The following TTC13 variants were observed in gnomAD, a reference collection of about 807,000 sequenced individuals.
The protein encoded by TTC13 is tetratricopeptide repeat domain 13.
TTC13 carries 62 observed loss-of-function variants against 120.0 expected under a neutral mutation model. The ratio of observed to expected loss-of-function variants is 0.52; its 90% confidence interval spans 0.42 to 0.64. The LOEUF (loss-of-function observed/expected upper bound fraction) is 0.64. Ranked by LOEUF, TTC13 falls within the 30% of genes least tolerant of loss-of-function variation. TTC13 has a pLI of 0.00. For missense variants in TTC13, 824 were observed against 1,050.2 expected (o/e 0.78, Z 2.98); for synonymous variants, 384 against 393.5 (o/e 0.98, Z 0.28).
At chr1:230,925,248 G>T (rs1672954695) in intron 13 of TTC13, among the ~76,000 whole-genome samples, 1 of 152,150 alleles carries the variant, frequency 6.6e-6, no homozygotes, top group South Asian at 2.1e-4. Context: ...CTATAGTAAG[G>T]AAATAGCTCC....
At chr1:230,977,478 C>T (rs1268146476) in intron 1 of TTC13, among the ~76,000 whole-genome samples, 1 of 152,068 alleles carries the variant, frequency 6.6e-6, no homozygotes, top group African/African-American at 2.4e-5. Flanking sequence ...TAAGGCCTAC[C>T]GCAAAATAAA....
rs753118622 is a variant in TTC13, at chr1:230,906,960, G to A, written c.2528C>T (p.Ser843Leu). Residue 843 changes from serine to leucine, a missense_variant, in exon 23 of 23, where the codon TCG (serine) becomes TTG (leucine). Transcript: ENST00000366661. Reference protein sequence around the residue: ...SVSETFPTLRSMIEVLNTDSS... With the variant: ...SVSETFPTLRLMIEVLNTDSS... Reference sequence around the variant, plus strand: ...GTCTGTGTTTAGCACCTCAATCATCGATCTTAACGTTGGAAACGTTTCTGA... The same window carrying A: ...GTCTGTGTTTAGCACCTCAATCATCAATCTTAACGTTGGAAACGTTTCTGA... 13 of 1,543,298 alleles carry A rather than the reference G, an allele frequency of 8.4e-6. No homozygotes were observed. Among genetic ancestry groups the A allele is most frequent in the East Asian group, 7.5e-5 (3 of 39,968 alleles).
At chr1:230,961,362 A>T (rs1189065383) in intron 1 of TTC13, 59 bp from the exon 2 acceptor site, 31 of 1,278,580 alleles carry the variant, frequency 2.4e-5, no homozygotes, top group African/African-American at 3.0e-5. Flanking sequence ...TTAGGTGCTT[A>T]ACTATGAATT....
At chr1:230,959,944 A>T (rs1380027204) in intron 2 of TTC13, among the ~76,000 whole-genome samples, 3 of 152,248 alleles carry the variant, frequency 2.0e-5, no homozygotes, top group African/African-American at 4.8e-5. Context: ...GTACAATCAC[A>T]CTTTTATGTT....
intron 17 of TTC13, among the ~76,000 whole-genome samples, chr1:230,919,142 GT>G (rs1361315563): frequency 6.6e-6 from 1 of 151,872 alleles, no homozygotes; most frequent in Non-Finnish European, 1.5e-5. Flanking sequence ...CATTTGCCTG[GT>G]ATACCTGGAT....
At position 230,908,773 on chromosome 1, in the gene TTC13, T is replaced by C; in HGVS notation, c.2407A>G (p.Met803Val). ...AAGGCCTCTGAACCAGGGGCTGTCA[T>C]AGCTTCAAAGTCGACTAACTGAAAA... ...PKGKLVDFEAMTAPGSEAFSK... is the reference protein window; with the variant it reads ...PKGKLVDFEAVTAPGSEAFSK... Residue 803 changes from methionine (M) to valine (V), a missense_variant, in exon 22 of 23, where the codon ATG becomes GTG. This residue lies in a region of TTC13 where 226 missense variants were observed against 259.1 expected (regional missense o/e 0.87). Coordinates refer to ENST00000366661, the MANE Select transcript of TTC13 (RefSeq NM_024525.5). The C allele has an allele frequency of 6.2e-7, 1 of 1,613,600 alleles. No homozygotes were observed. The highest frequency in any genetic ancestry group is 8.5e-7 in the Non-Finnish European group (1 of 1,179,542).
At position 230,978,490 on chromosome 1, in the gene TTC13, C is replaced by G. The variant is rs1678606545; in HGVS notation, c.271+70G>C. The G allele has an allele frequency of 4.5e-6, 2 of 440,448 alleles. No individual in the cohort carries two copies. The highest frequency in any genetic ancestry group is 7.2e-6 in the Non-Finnish European group (2 of 276,616). The allele number at this position is 440,448 out of a possible 1,614,324, so 27.3% of individuals were successfully genotyped here. ...GCGTGAGGCCCGGGCGACCCGTACC[C>G]CGGCCCGGGACCCCAGCCCCGCTGC... On this transcript the variant is annotated intron_variant, in intron 1 of 22. Coordinates refer to ENST00000366661, the MANE Select transcript of TTC13 (RefSeq NM_024525.5). This position sits in a 1 kb window ranked among gnomAD's most constrained non-coding sequence, Gnocchi z 5.6.
At chr1:230,933,083 C>T (rs4477284) in intron 9 of TTC13, among the ~76,000 whole-genome samples, 103,692 of 151,942 alleles carry the variant, frequency 0.68, 35,472 homozygotes, top group Admixed American at 0.72. Flanking sequence ...AGCGATTCTC[C>T]AGCCTCAGCC....
At chr1:230,955,389 C>T (rs1314394519) in intron 3 of TTC13, among the ~76,000 whole-genome samples, 2 of 151,956 alleles carry the variant, frequency 1.3e-5, no homozygotes, top group African/African-American at 4.8e-5. Flanking sequence ...ATAGGCCAGG[C>T]GTGGTGGCTT....
At chr1:230,914,934 A>G (rs2102754841) in intron 18 of TTC13, among the ~76,000 whole-genome samples, 1 of 152,260 alleles carries the variant, frequency 6.6e-6, no homozygotes, top group East Asian at 1.9e-4. Context: ...GTACTTATAT[A>G]GTAATTTCAT....
chr1:230,972,807 G>A (rs1677898438), intron 1 of TTC13, among the ~76,000 whole-genome samples: 1 of 152,212 alleles, frequency 6.6e-6, no homozygotes, highest in Non-Finnish European at 1.5e-5. Flanking sequence ...ACGTGAAAAA[G>A]CGAATCATAG....
At chr1:230,930,849 C>T (rs1673481341) in intron 11 of TTC13, among the ~76,000 whole-genome samples, 1 of 152,102 alleles carries the variant, frequency 6.6e-6, no homozygotes, top group East Asian at 1.9e-4. Context: ...ACCCAGGAGG[C>T]GGAGGTTGCA....
intron 4 of TTC13, among the ~76,000 whole-genome samples, chr1:230,952,970 A>G (rs1174326705): frequency 6.6e-6 from 1 of 152,152 alleles, no homozygotes; most frequent in African/African-American, 2.4e-5. Flanking sequence ...ACATCTGCAA[A>G]TTCCTATTTT....
At chr1:230,945,196 T>C (rs766959273) in intron 5 of TTC13, among the ~76,000 whole-genome samples, 193 bp downstream of exon 5, 1 of 152,160 alleles carries the variant, frequency 6.6e-6, no homozygotes, top group Non-Finnish European at 1.5e-5. Flanking sequence ...TTCATCAAAG[T>C]TGACTTCAGA....
At position 230,942,131 on chromosome 1, in the gene TTC13, G is replaced by GT. The variant is rs928675319; in HGVS notation, c.673-1576dup. On this transcript the variant is annotated intron_variant, in intron 6 of 22. Coordinates refer to ENST00000366661, the MANE Select transcript of TTC13 (RefSeq NM_024525.5). The surrounding 1 kb of genome is among the most constrained non-coding windows in gnomAD (Gnocchi z 4.0). ...CCAATGCCATTTTTGATAAACAGTA[G>GT]TTTTTTATTAGATATGCAAATTGTA... 2.6e-5 allele frequency among the ~76,000 whole-genome samples: 4 copies of GT among 152,088 alleles called. No individual in the cohort carries two copies. Among genetic ancestry groups the GT allele is most frequent in the Admixed American group, 2.0e-4 (3 of 15,272 alleles).
In TTC13 at chr1:230,973,682, T is replaced by C. The variant is rs187051330; in HGVS notation, c.271+4878A>G. On this transcript the variant is annotated intron_variant, in intron 1 of 22. Coordinates refer to ENST00000366661, the MANE Select transcript of TTC13 (RefSeq NM_024525.5). ...GTATTTTTAAAACAACTTCTAGAAA[T>C]GCATATGCTTGAACCATAAAATATA... Among the ~76,000 whole-genome samples, 7 of 152,328 alleles carry C rather than the reference T, an allele frequency of 4.6e-5. No homozygotes were observed. In the South Asian group the frequency reaches 1.2e-3, roughly 27 times the overall value.
chr1:230,972,992 G>A lies in TTC13; in HGVS notation c.271+5568C>T, dbSNP rs181446176. ...CTGTGCCTCAGTCTCTGAGCACAGC[G>A]ACTTTGCACTGGCAAATTTACTCAG... On this transcript the variant is annotated intron_variant, in intron 1 of 22. Coordinates refer to ENST00000366661, the MANE Select transcript of TTC13 (RefSeq NM_024525.5). 4.6e-5 allele frequency among the ~76,000 whole-genome samples: 7 copies of A among 152,270 alleles called. No homozygotes were observed. In the East Asian group the frequency reaches 5.8e-4, roughly 13 times the overall value.
chr1:230,934,122 C>T (rs1673820087), intron 8 of TTC13, among the ~76,000 whole-genome samples: 1 of 152,168 alleles, frequency 6.6e-6, no homozygotes, highest in South Asian at 2.1e-4. Flanking sequence ...ATTTTATCTA[C>T]TTCATTACTA....
At chr1:230,938,800 T>C (rs1173400873) in intron 8 of TTC13, among the ~76,000 whole-genome samples, 1 of 152,190 alleles carries the variant, frequency 6.6e-6, no homozygotes, top group East Asian at 1.9e-4. Context: ...AATTTATAGA[T>C]CCTCTGGTCT....
Sources: allele counts gnomAD v4.1 joint callset (sites outside exome capture counted in the v4.1 genomes callset), GRCh38; gene constraint gnomAD v4.1.1; regional missense constraint gnomAD v4.1.1; non-coding constraint Gnocchi (gnomAD v3.1); transcripts MANE v1.5; gene names NCBI Gene and HGNC (gene_info 2026-07-23, HGNC 2026-07-21).